The following ARL3 variants were observed in gnomAD, a reference collection of about 807,000 sequenced individuals.
The protein encoded by ARL3 is ARF like GTPase 3, also known as ADP-ribosylation factor-like protein 3.
ARL3 carries 9 observed loss-of-function variants against 26.0 expected under a neutral mutation model. The ratio of observed to expected loss-of-function variants is 0.35; its 90% CI spans 0.21 to 0.60. ARL3 has a LOEUF of 0.60. ARL3 is among the 20% of genes least tolerant of loss of function. The probability of loss-of-function intolerance (pLI) is 0.78; values close to 1 mark genes in which losing one functional copy is unlikely to be tolerated. For synonymous variants in ARL3, 71 were observed against 78.4 expected, an observed-to-expected ratio of 0.91 and a Z score of 0.50; for missense variants, 158 against 215.7, an observed-to-expected ratio of 0.73 and a Z score of 1.67.
chr10:102,685,721 G>A (rs2064180379), intron 5 of ARL3, 95 bp downstream of exon 5: 1 of 1,294,324 alleles, frequency 7.7e-7, no homozygotes, highest in Admixed American at 2.4e-5. Flanking sequence ...TCTTGGAATG[G>A]CTCATCTGCC....
rs1194437575 is a variant in ARL3 at position 102,705,073 on chromosome 10, A to G, written c.147+273T>C. ...TCTTTCCATCTTGCAAAACTGACTC[A>G]CTGTACCCGTTAAACAATAACTCCC... is the stretch of plus-strand genomic sequence containing the variant. On this transcript the variant is annotated intron_variant, in intron 2 of 5. Transcript: ENST00000260746. Among the ~76,000 whole-genome samples, 3 of 152,066 alleles carry G rather than the reference A, an allele frequency of 2.0e-5. No homozygotes were observed. The East Asian group carries it at 5.8e-4, about 29-fold the overall frequency.
At chr10:102,695,366 AT>A (rs2064241708) in intron 3 of ARL3, among the ~76,000 whole-genome samples, 1 of 152,014 alleles carries the variant, frequency 6.6e-6, no homozygotes, top group Non-Finnish European at 1.5e-5. Flanking sequence ...TAAGTGTTTC[AT>A]TTTGGGGGTG....
intron 3 of ARL3, 81 bp downstream of exon 3, chr10:102,699,292 C>G (rs2064265503): frequency 1.1e-6 from 1 of 883,546 alleles, no homozygotes; most frequent in Non-Finnish European, 1.9e-6. Flanking sequence ...GAATTACTGA[C>G]AAGAAAGAAT....
At chr10:102,687,365 A>G (rs2064193297) in intron 4 of ARL3, among the ~76,000 whole-genome samples, 1 of 151,528 alleles carries the variant, frequency 6.6e-6, no homozygotes, top group South Asian at 2.1e-4. Context: ...CTGATCAGCT[A>G]GCTGGGACCT....
chr10:102,698,074 T>G (rs1408447900), intron 3 of ARL3, among the ~76,000 whole-genome samples: 4 of 152,318 alleles, frequency 2.6e-5, no homozygotes. Context: ...TTTCTGGGGC[T>G]TATTTTTTCT....
intron 1 of ARL3, among the ~76,000 whole-genome samples, chr10:102,711,462 T>C (rs1375351645): frequency 6.6e-6 from 1 of 151,516 alleles, no homozygotes; most frequent in African/African-American, 2.4e-5. Context: ...AGCTAGAAAA[T>C]AGGAACAGGC....
intron 5 of ARL3, among the ~76,000 whole-genome samples, chr10:102,682,674 G>C (rs188175113): frequency 3.9e-5 from 6 of 152,308 alleles, no homozygotes; most frequent in Admixed American, 1.3e-4. Flanking sequence ...ACTCGCCCCC[G>C]TGAGGCTACC....
At chr10:102,697,977 C>A (rs1178232576) in intron 3 of ARL3, among the ~76,000 whole-genome samples, 1 of 152,074 alleles carries the variant, frequency 6.6e-6, no homozygotes, top group Non-Finnish European at 1.5e-5. Flanking sequence ...AGACAGAGAG[C>A]ATAACAAACT....
rs1234339802 is a variant in ARL3 at position 102,687,709 on chromosome 10, TAG to T, written c.316-1710_316-1709del. Reference sequence around the variant, plus strand: ...CCTGGAAAAAAAAAATTTTTTTTTGTAGAGACAGGGTTTTGATATATTGCCCA... The same window carrying T: ...CCTGGAAAAAAAAAATTTTTTTTTGTAGACAGGGTTTTGATATATTGCCCA... On this transcript the variant is annotated intron_variant, in intron 4 of 5. Transcript: ENST00000260746. 3.9e-5 allele frequency among the ~76,000 whole-genome samples: 6 copies of T among 152,070 alleles called. No homozygotes were observed. The East Asian group carries it at 1.2e-3, about 29-fold the overall frequency.
At chr10:102,709,267 A>C (rs1175656922) in intron 1 of ARL3, among the ~76,000 whole-genome samples, 1 of 151,836 alleles carries the variant, frequency 6.6e-6, no homozygotes, top group Non-Finnish European at 1.5e-5. Flanking sequence ...GTCTCTTTTA[A>C]AGAAGTTACT....
chr10:102,698,785 C>T (rs1320543363), intron 3 of ARL3, among the ~76,000 whole-genome samples: 2 of 152,230 alleles, frequency 1.3e-5, no homozygotes, highest in Non-Finnish European at 2.9e-5. Context: ...GCTTCTCCTA[C>T]TACTGGACGA....
rs891451803 is a variant in ARL3 at position 102,673,927 on chromosome 10, A to C, written c.*2967T>G. 6.6e-6 allele frequency: 1 copy of C among 152,616 alleles called. No homozygotes were observed. The highest frequency in any genetic ancestry group is 1.5e-5 in the Non-Finnish European group (1 of 68,046). 9.5% of individuals were successfully genotyped at this position (152,616 alleles called of 1,614,324 possible). ...GCAGAGCTAAAAATAAAAGGAAGTA[A>C]GAACTGGTCCCCGAGAAGGAAAGGA... is the stretch of plus-strand genomic sequence containing the variant. On this transcript the variant is annotated 3_prime_UTR_variant, in exon 6 of 6. Coordinates refer to ENST00000260746, the MANE Select transcript of ARL3 (RefSeq NM_004311.4).
At chr10:102,699,303 G>A in intron 3 of ARL3, 70 bp downstream of exon 3, 3 of 896,084 alleles carry the variant, frequency 3.3e-6, no homozygotes, top group South Asian at 2.7e-5. Context: ...AAGAAAGAAT[G>A]TTACAGTGTC....
intron 3 of ARL3, among the ~76,000 whole-genome samples, chr10:102,695,636 G>A (rs949948443): frequency 6.6e-6 from 1 of 151,782 alleles, no homozygotes; most frequent in Admixed American, 6.6e-5. Context: ...GGGTTTAAGC[G>A]ATTTTCCACC....
At chr10:102,683,436 C>A (rs189015231) in intron 5 of ARL3, among the ~76,000 whole-genome samples, 2 of 152,316 alleles carry the variant, frequency 1.3e-5, no homozygotes, top group East Asian at 3.9e-4. Flanking sequence ...ATTCTATACA[C>A]CATGGTACTA....
chr10:102,688,918 C>T (rs1393005283), intron 4 of ARL3, among the ~76,000 whole-genome samples: 3 of 152,176 alleles, frequency 2.0e-5, no homozygotes, highest in Admixed American at 6.5e-5. Context: ...CCTCTGGGTT[C>T]GTTTTCACAT....
In ARL3 at chr10:102,710,947, G is replaced by A. The variant is rs201432660; in HGVS notation, c.3+3326C>T. On this transcript the variant is annotated intron_variant, in intron 1 of 5. Transcript: ENST00000260746. ...GTCATTCAAAGAAACCAGAGTGGTG[G>A]AGGGAGAAGGAATGCGTTGGTATAT... Among the ~76,000 whole-genome samples, 4 of 152,338 alleles carry A rather than the reference G, an allele frequency of 2.6e-5. No individual in the cohort carries two copies. In the East Asian group the frequency reaches 7.7e-4, roughly 29 times the overall value.
Position 102,674,882 on chromosome 10 carries a change from G to A in ARL3, c.*2012C>T, listed in dbSNP as rs2064122740. 6.6e-6 allele frequency: 1 copy of A among 152,118 alleles called. No individual in the cohort carries two copies. Among genetic ancestry groups the A allele is most frequent in the Non-Finnish European group, 1.5e-5 (1 of 68,024 alleles). The allele number at this position is 152,118 out of a possible 1,614,324, so 9.4% of individuals were successfully genotyped here. ...TGCCTGCTAGGAGAGGCCTTGGGAT[G>A]GCTCTTTAAAACAGTCCCCTAAGTT... is the stretch of plus-strand genomic sequence containing the variant. On this transcript the variant is annotated 3_prime_UTR_variant, in exon 6 of 6. Coordinates refer to ENST00000260746, the MANE Select transcript of ARL3 (RefSeq NM_004311.4).
chr10:102,700,467 T>C (rs1428068838), intron 2 of ARL3, among the ~76,000 whole-genome samples: 1 of 141,760 alleles, frequency 7.1e-6, no homozygotes, highest in Non-Finnish European at 1.5e-5. Flanking sequence ...GAAAAGGAAG[T>C]CTTCATTTTT....
Sources: gnomAD v4.1 joint callset for allele counts (sites outside exome capture counted in the v4.1 genomes callset) on GRCh38, gnomAD v4.1.1 for gene constraint, MANE v1.5 for transcripts, NCBI Gene and HGNC (gene_info 2026-07-23, HGNC 2026-07-21) for gene names.